The following GMPS variants were observed in gnomAD, a reference collection of about 807,000 sequenced individuals.
GMPS encodes GMP synthase [glutamine-hydrolyzing].
Under a neutral mutation model 77.9 loss-of-function variants are expected in GMPS, and 15 were observed. The ratio of observed to expected loss-of-function variants is 0.19; its 90% CI spans 0.13 to 0.30. The LOEUF (loss-of-function observed/expected upper bound fraction) is 0.30, where lower values mean the gene tolerates loss of function less well. Ranked by LOEUF, GMPS falls within the 10% of genes least tolerant of loss-of-function variation. GMPS has a pLI of 1.00. For missense variants in GMPS, 590 were observed against 838.8 expected, an observed-to-expected ratio of 0.70 and a Z score of 3.66; for synonymous variants, 224 against 275.9, an observed-to-expected ratio of 0.81 and a Z score of 1.86.
intron 4 of GMPS, among the ~76,000 whole-genome samples, chr3:155,904,929 C>G (rs1488665948): frequency 6.6e-6 from 1 of 152,114 alleles, no homozygotes; most frequent in East Asian, 1.9e-4. Context: ...CCCAAAATAT[C>G]TTTTTGACAT....
chr3:155,933,206 GA>G (rs748186459), intron 13 of GMPS, among the ~76,000 whole-genome samples: 9 of 147,844 alleles, frequency 6.1e-5, no homozygotes, highest in Admixed American at 2.0e-4. Context: ...AAAGGAAAAA[GA>G]AAAAAAAAAG....
chr3:155,933,339 G>A (rs1755676847), intron 13 of GMPS, among the ~76,000 whole-genome samples: 1 of 152,082 alleles, frequency 6.6e-6, no homozygotes, highest in African/African-American at 2.4e-5. Context: ...GTACAGGGAG[G>A]GACTGTTCCA....
intron 3 of GMPS, 50 bp from the exon 4 acceptor site, chr3:155,903,813 G>C (rs771478872): frequency 1.2e-4 from 88 of 706,100 alleles, no homozygotes; most frequent in Non-Finnish European, 3.3e-5. Context: ...ATAACAAAAT[G>C]GGTATTTTTC....
At chr3:155,933,503 ATTGTT>A (rs1400594498) in intron 13 of GMPS, among the ~76,000 whole-genome samples, 1 of 151,392 alleles carries the variant, frequency 6.6e-6, no homozygotes, top group African/African-American at 2.4e-5. Context: ...TAGGAACTGT[ATTGTT>A]TAGAAAAATT....
intron 7 of GMPS, among the ~76,000 whole-genome samples, chr3:155,913,349 T>C (rs1398925064): frequency 1.3e-5 from 2 of 152,112 alleles, no homozygotes; most frequent in Non-Finnish European, 2.9e-5. Context: ...AGCCAAGGAT[T>C]GTTAAATGTA....
At chr3:155,912,087 T>C (rs1036617128) in intron 7 of GMPS, among the ~76,000 whole-genome samples, 5 of 152,208 alleles carry the variant, frequency 3.3e-5, no homozygotes, top group African/African-American at 9.6e-5. Context: ...TTGATAGTTA[T>C]AATGAAATGA....
At position 155,911,851 on chromosome 3, in the gene GMPS, AAAAAG is replaced by A. The variant is rs1229625920; in HGVS notation, c.886+576_886+580del. ...CGAAACTCCATCTCAAAAAAAAAAA[AAAAAG>A]AAATTATCTTTTCCCACTCTATTTA... On this transcript the variant is annotated intron_variant, in intron 7 of 15. Coordinates refer to ENST00000496455, the MANE Select transcript of GMPS (RefSeq NM_003875.3). Among the ~76,000 whole-genome samples, 5 of 152,126 alleles carry A rather than the reference AAAAAG, an allele frequency of 3.3e-5. No individual in the cohort carries two copies. The East Asian group carries it at 7.7e-4, about 24-fold the overall frequency.
intron 10 of GMPS, among the ~76,000 whole-genome samples, chr3:155,919,798 C>T (rs1441817692): frequency 6.6e-6 from 1 of 152,166 alleles, no homozygotes; most frequent in Non-Finnish European, 1.5e-5. Flanking sequence ...GCAGAGAATT[C>T]CTGGCACAAT....
chr3:155,888,392 C>G (rs917001146), intron 1 of GMPS, among the ~76,000 whole-genome samples: 10 of 151,860 alleles, frequency 6.6e-5, no homozygotes, highest in African/African-American at 2.4e-4. Context: ...CTTGCTTATT[C>G]TCATAGAGAC....
intron 3 of GMPS, 58 bp from the exon 4 acceptor site, chr3:155,903,805 A>T (rs1754792182): frequency 1.5e-6 from 1 of 685,348 alleles, no homozygotes; most frequent in African/African-American, 1.8e-5. Flanking sequence ...AAATCAGTAT[A>T]ACAAAATGGG....
At chr3:155,925,063 A>G (rs1040833796) in intron 11 of GMPS, among the ~76,000 whole-genome samples, 178 bp from the exon 12 acceptor site, 1 of 152,226 alleles carries the variant, frequency 6.6e-6, no homozygotes. Context: ...AGACTTCTTC[A>G]TAGTCCTAGC....
chr3:155,931,894 G>C lies in GMPS; in HGVS notation c.1676+14G>C. 6.0e-6 allele frequency: 7 copies of C among 1,158,650 alleles called. No homozygotes were observed. Among genetic ancestry groups the C allele is most frequent in the Non-Finnish European group, 9.1e-6 (7 of 767,390 alleles). 71.8% of individuals were successfully genotyped at this position (1,158,650 alleles called of 1,614,324 possible). On this transcript the variant is annotated intron_variant, in intron 13 of 15. Transcript: ENST00000496455. ...CAACGTTAACAGGTGTGTTTCACAG[G>C]AGCTAGGGTGGGGGCTTGTGTAATG... is the stretch of plus-strand genomic sequence containing the variant.
chr3:155,872,409 G>T (rs1028878248), intron 1 of GMPS, among the ~76,000 whole-genome samples: 31 of 152,114 alleles, frequency 2.0e-4, no homozygotes, highest in African/African-American at 7.5e-4. Flanking sequence ...ATTACTAGTC[G>T]ACTTGCAAAG....
chr3:155,921,087 C>T (rs941860387), intron 10 of GMPS, among the ~76,000 whole-genome samples: 3 of 152,070 alleles, frequency 2.0e-5, no homozygotes, highest in African/African-American at 7.2e-5. Flanking sequence ...ACTAAAAATA[C>T]AAAAAATTAG....
chr3:155,939,156 CA>C lies in GMPS; in HGVS notation c.*1467del. 4.5e-6 allele frequency: 1 copy of C among 219,984 alleles called. No homozygotes were observed. 13.6% of individuals were successfully genotyped at this position (219,984 alleles called of 1,614,324 possible). On this transcript the variant is annotated 3_prime_UTR_variant, in exon 16 of 16. Coordinates refer to ENST00000496455, the MANE Select transcript of GMPS (RefSeq NM_003875.3). Reference sequence around the variant, plus strand: ...TCTTAACAGAAATCTGTCCCCAAGACAAAGGGGTACTTGACTCCTACAAAAC... The same window carrying C: ...TCTTAACAGAAATCTGTCCCCAAGACAAGGGGTACTTGACTCCTACAAAAC...
chr3:155,927,045 A>C, intron 12 of GMPS, among the ~76,000 whole-genome samples: 1 of 152,156 alleles, frequency 6.6e-6, no homozygotes, highest in East Asian at 1.9e-4. Context: ...TGTTATTTTT[A>C]AAGTAAACTA....
chr3:155,878,119 C>A (rs2108049522), intron 1 of GMPS, among the ~76,000 whole-genome samples: 1 of 152,228 alleles, frequency 6.6e-6, no homozygotes, highest in South Asian at 2.1e-4. Flanking sequence ...CGTGTGGGCT[C>A]TGCCCTCATG....
In GMPS at chr3:155,942,188, G is replaced by A. The variant is rs6762067; in HGVS notation, c.*4496G>A. On this transcript the variant is annotated 3_prime_UTR_variant, in exon 16 of 16. Coordinates refer to ENST00000496455, the MANE Select transcript of GMPS (RefSeq NM_003875.3). ...TGCAAGCTCCGCTTCGTGGGTTCAC[G>A]CCATTCTCCTGCCTCAGTCTCCCGA... The A allele has an allele frequency of 0.015, 2,777 of 182,640 alleles. 78 individuals are homozygous for A. Among genetic ancestry groups the A allele is most frequent in the African/African-American group, 0.061 (2,587 of 42,512 alleles). The allele number at this position is 182,640 out of a possible 1,614,324, so 11.3% of individuals were successfully genotyped here. A position where few individuals can be genotyped will look rare whatever the true frequency, so the allele number is the denominator to read the frequency against.
intron 13 of GMPS, among the ~76,000 whole-genome samples, chr3:155,933,441 C>T (rs755374479): frequency 6.6e-6 from 1 of 152,122 alleles, no homozygotes; most frequent in Admixed American, 6.5e-5. Context: ...GTGAAAAGAG[C>T]AGGTTCATGG....
Sources: allele counts gnomAD v4.1 joint callset (sites outside exome capture counted in the v4.1 genomes callset), GRCh38; gene constraint gnomAD v4.1.1; transcripts MANE v1.5; gene names NCBI Gene and HGNC (gene_info 2026-07-23, HGNC 2026-07-21).